The following SEMA5A variants were observed in gnomAD, a reference collection of about 807,000 sequenced individuals.
SEMA5A encodes semaphorin 5A, also known as semaphorin-5A.
Under a neutral mutation model 135.5 loss-of-function variants are expected in SEMA5A, and 55 were observed. That is an observed-to-expected ratio of 0.41 (90% CI 0.33 to 0.51). The LOEUF is 0.51. Ranked by LOEUF, SEMA5A falls within the 20% of genes least tolerant of loss-of-function variation. The pLI is 0.37. For missense variants in SEMA5A, 1,290 were observed against 1,419.9 expected, an observed-to-expected ratio of 0.91 and a Z score of 1.47; for synonymous variants, 580 against 546.5, an observed-to-expected ratio of 1.06 and a Z score of -0.85.
At chr5:9,400,885 A>T (rs1414975681) in intron 2 of SEMA5A, among the ~76,000 whole-genome samples, 1 of 152,136 alleles carries the variant, frequency 6.6e-6, no homozygotes, top group Non-Finnish European at 1.5e-5. Context: ...ATTATAATTT[A>T]TTATAATTTA....
Position 9,294,122 on chromosome 5 carries a change from T to C in SEMA5A, c.270+24250A>G, listed in dbSNP as rs576306431. ...CAAAAGCTCAGGTCACATACAGCAA[T>C]GGGTGATCTCCAAATCTTGTCTCCC... On this transcript the variant is annotated intron_variant, in intron 5 of 22. Transcript: ENST00000382496. 3.9e-5 allele frequency among the ~76,000 whole-genome samples: 6 copies of C among 152,268 alleles called. No individual in the cohort carries two copies. The South Asian group carries it at 1.2e-3, about 32-fold the overall frequency.
At chr5:9,475,764 T>C (rs1365813710) in intron 1 of SEMA5A, among the ~76,000 whole-genome samples, 2 of 152,188 alleles carry the variant, frequency 1.3e-5, no homozygotes, top group Non-Finnish European at 1.5e-5. Flanking sequence ...ATTTGTATTA[T>C]CAGTGCCAAG....
chr5:9,513,991 A>T (rs1579665453), intron 1 of SEMA5A, among the ~76,000 whole-genome samples: 1 of 152,114 alleles, frequency 6.6e-6, no homozygotes, highest in Non-Finnish European at 1.5e-5. Flanking sequence ...ATCTAAAACG[A>T]GTTTCCTTGG....
intron 11 of SEMA5A, among the ~76,000 whole-genome samples, chr5:9,171,705 T>C (rs1163705432): frequency 1.3e-5 from 2 of 152,188 alleles, no homozygotes; most frequent in African/African-American, 2.4e-5. Flanking sequence ...GGGATGTAGA[T>C]GGCTGAGAGG....
Position 9,075,894 on chromosome 5 carries a change from G to C in SEMA5A, c.2074-9248C>G, listed in dbSNP as rs146340875. On this transcript the variant is annotated intron_variant, in intron 16 of 22. Transcript: ENST00000382496. Reference sequence around the variant, plus strand: ...ACAAGCCTCTTTCTAATACATGGTGGCTTCTTTGCTATTTAGAAATTATAT... The same window carrying C: ...ACAAGCCTCTTTCTAATACATGGTGCCTTCTTTGCTATTTAGAAATTATAT... 7.2e-5 allele frequency among the ~76,000 whole-genome samples: 11 copies of C among 152,174 alleles called. No individual in the cohort carries two copies. The East Asian group carries it at 2.1e-3, about 29-fold the overall frequency.
chr5:9,520,126 C>T (rs752860849), intron 1 of SEMA5A, among the ~76,000 whole-genome samples: 15 of 152,202 alleles, frequency 9.9e-5, no homozygotes, highest in Non-Finnish European at 1.8e-4. Flanking sequence ...ATTCCCACCC[C>T]CAAATTGTAA....
intron 2 of SEMA5A, among the ~76,000 whole-genome samples, chr5:9,419,738 T>C (rs1383267755): frequency 2.0e-5 from 3 of 152,204 alleles, no homozygotes; most frequent in African/African-American, 7.2e-5. Flanking sequence ...AAATAACTCC[T>C]GTTTATCATC....
chr5:9,154,745 AC>A, intron 11 of SEMA5A, 50 bp from the exon 12 acceptor site: 1 of 1,500,350 alleles, frequency 6.7e-7, no homozygotes, highest in Non-Finnish European at 9.3e-7. Flanking sequence ...GGTCTCACAA[AC>A]CAATCCCTGG....
intron 3 of SEMA5A, among the ~76,000 whole-genome samples, chr5:9,355,507 G>T (rs962387457): frequency 3.9e-5 from 6 of 152,174 alleles, no homozygotes; most frequent in Non-Finnish European, 7.4e-5. Context: ...CACTAGAACA[G>T]CTCAATCTAT....
intron 11 of SEMA5A, among the ~76,000 whole-genome samples, chr5:9,158,359 G>A (rs917989615): frequency 7.2e-5 from 11 of 151,952 alleles, no homozygotes; most frequent in Admixed American, 2.6e-4. Flanking sequence ...TATTAACTCC[G>A]AAAATTTGCC....
chr5:9,480,948 G>T (rs1227309631), intron 1 of SEMA5A, among the ~76,000 whole-genome samples: 6 of 148,482 alleles, frequency 4.0e-5, no homozygotes, highest in African/African-American at 7.8e-5. Context: ...TGTTTTTTTG[G>T]TTTTTTGGTT....
At chr5:9,417,699 C>T (rs1757327476) in intron 2 of SEMA5A, among the ~76,000 whole-genome samples, 1 of 152,236 alleles carries the variant, frequency 6.6e-6, no homozygotes. Context: ...TCAGCACATC[C>T]CTTGCCTATC....
intron 3 of SEMA5A, among the ~76,000 whole-genome samples, chr5:9,347,106 C>A (rs191401033): frequency 2.0e-5 from 3 of 152,036 alleles, no homozygotes; most frequent in Non-Finnish European, 4.4e-5. Context: ...TTTCGTATCA[C>A]GAAAAAAGAC....
intron 3 of SEMA5A, among the ~76,000 whole-genome samples, chr5:9,369,229 T>G (rs866035287): frequency 9.8e-4 from 149 of 152,202 alleles, no homozygotes; most frequent in African/African-American, 3.5e-3. Flanking sequence ...ATATGGTAAA[T>G]ATGTGTATCT....
chr5:9,140,708 T>C (rs1340502374), intron 12 of SEMA5A, among the ~76,000 whole-genome samples: 2 of 152,196 alleles, frequency 1.3e-5, no homozygotes, highest in Non-Finnish European at 2.9e-5. Context: ...ATATCACATA[T>C]GGGAATTCTC....
chr5:9,455,773 G>T (rs901011392), intron 1 of SEMA5A, among the ~76,000 whole-genome samples: 1 of 152,144 alleles, frequency 6.6e-6, no homozygotes, highest in Non-Finnish European at 1.5e-5. Context: ...CTAAAACAAG[G>T]ACGTGTGTAT....
At chr5:9,061,653 G>C (rs1178354968) in intron 18 of SEMA5A, among the ~76,000 whole-genome samples, 1 of 152,140 alleles carries the variant, frequency 6.6e-6, no homozygotes, top group African/African-American at 2.4e-5. Flanking sequence ...AGATGGAGGA[G>C]TGTTTCAGGC....
At chr5:9,047,099 C>T (rs926124795) in intron 21 of SEMA5A, among the ~76,000 whole-genome samples, 9 of 152,170 alleles carry the variant, frequency 5.9e-5, no homozygotes, top group East Asian at 3.9e-4. Context: ...GTAACAATGA[C>T]GCTATACTTA....
chr5:9,301,150 A>G (rs542885720), intron 5 of SEMA5A, among the ~76,000 whole-genome samples: 1 of 152,334 alleles, frequency 6.6e-6, no homozygotes, highest in Admixed American at 6.5e-5. Flanking sequence ...AGTGTTTCTC[A>G]TGAGTTACAT....
Sources: gnomAD v4.1 joint callset for allele counts (sites outside exome capture counted in the v4.1 genomes callset) on GRCh38, gnomAD v4.1.1 for gene constraint, MANE v1.5 for transcripts, NCBI Gene and HGNC (gene_info 2026-07-23, HGNC 2026-07-21) for gene names.